The following IGSF21 variants were observed in gnomAD, a reference collection of about 807,000 sequenced individuals.
IGSF21 encodes the protein immunoglobin superfamily member 21, also known as immunoglobulin superfamily member 21.
Under a neutral mutation model 46.8 loss-of-function variants are expected in IGSF21, and 28 were observed. That is an observed-to-expected ratio of 0.60 (90% CI 0.44 to 0.82). The LOEUF (loss-of-function observed/expected upper bound fraction) is 0.82. IGSF21 is among the 40% of genes least tolerant of loss of function. The pLI is 0.00. For missense variants in IGSF21, 624 were observed against 665.5 expected, an observed-to-expected ratio of 0.94 and a Z score of 0.69; for synonymous variants, 284 against 273.6, an observed-to-expected ratio of 1.04 and a Z score of -0.38.
rs11371899 is a variant in IGSF21, at chr1:18,159,685, C to CTTTT, written c.70+51499_70+51502dup. Among the ~76,000 whole-genome samples the CTTTT allele has an allele frequency of 4.8e-3, 664 of 138,760 alleles. 20 individuals are homozygous for CTTTT. The East Asian group carries it at 0.056, about 12-fold the overall frequency. The allele number at this position is 138,760 out of a possible 152,430, so 91.0% of individuals were successfully genotyped here. On this transcript the variant is annotated intron_variant, in intron 1 of 9. Transcript: ENST00000251296. ...ATAAATCACCCAGTCTCGGGTATGT[C>CTTTT]TTTTTTTTTTTTTTTGAGAGAGAGT...
chr1:18,299,859 G>T (rs1012170933), intron 3 of IGSF21, among the ~76,000 whole-genome samples: 5 of 152,058 alleles, frequency 3.3e-5, no homozygotes, highest in African/African-American at 1.2e-4. Context: ...TCAAAATCAG[G>T]GGTGATTTTA....
rs114137703 is a variant in IGSF21 at position 18,196,859 on chromosome 1, C to T, written c.71-31039C>T. ...TGTTTTCCCAGGAAGGTGATATCTCCAGTAAGACACCCTTCTATGCAAGCC... is the reference window on the plus strand; with the variant it reads ...TGTTTTCCCAGGAAGGTGATATCTCTAGTAAGACACCCTTCTATGCAAGCC... On this transcript the variant is annotated intron_variant, in intron 1 of 9. Transcript: ENST00000251296. Among the ~76,000 whole-genome samples, 1,007 of 152,234 alleles carry T rather than the reference C, an allele frequency of 6.6e-3. 12 individuals are homozygous for T. The highest frequency in any genetic ancestry group is 0.023 in the African/African-American group (944 of 41,530).
rs1238065436 is a variant in IGSF21, at chr1:18,290,293, T to C, written c.184-1573T>C. Among the ~76,000 whole-genome samples, 9 of 152,202 alleles carry C rather than the reference T, an allele frequency of 5.9e-5. No individual in the cohort carries two copies. The East Asian group carries it at 1.7e-3, about 29-fold the overall frequency. On this transcript the variant is annotated intron_variant, in intron 2 of 9. Transcript: ENST00000251296. This position sits in a 1 kb window ranked among gnomAD's most constrained non-coding sequence, Gnocchi z 4.2. The stretch of plus-strand genomic sequence containing the variant: ...TCCTCTGTCTCCCCTCTGCACATGG[T>C]CAGAAAGCGCCAAGCCCTCAGAGGG...
chr1:18,141,469 AC>A (rs1470898692), intron 1 of IGSF21, among the ~76,000 whole-genome samples: 1 of 152,088 alleles, frequency 6.6e-6, no homozygotes, highest in Non-Finnish European at 1.5e-5. Flanking sequence ...CAGGCAGAGA[AC>A]TTGCTGGAAC....
intron 1 of IGSF21, among the ~76,000 whole-genome samples, chr1:18,163,315 C>T (rs543964820): frequency 3.3e-5 from 5 of 151,026 alleles, no homozygotes; most frequent in African/African-American, 9.7e-5. Context: ...GTGTTAATGT[C>T]GCAGGAGGAG....
chr1:18,362,313 C>T, intron 5 of IGSF21, 83 bp downstream of exon 5: 1 of 982,202 alleles, frequency 1.0e-6, no homozygotes, highest in South Asian at 1.4e-5. Context: ...GGTGTCGCCA[C>T]TGTGCCTGGA....
intron 1 of IGSF21, among the ~76,000 whole-genome samples, chr1:18,191,654 G>A (rs369919928): frequency 1.4e-4 from 21 of 152,168 alleles, no homozygotes; most frequent in African/African-American, 4.6e-4. Flanking sequence ...TGGGGAAGCC[G>A]GGCCCATCTG....
At chr1:18,257,765 G>A (rs900128225) in intron 2 of IGSF21, among the ~76,000 whole-genome samples, 3 of 152,174 alleles carry the variant, frequency 2.0e-5, no homozygotes, top group Admixed American at 6.5e-5. Flanking sequence ...TCTACAAAAA[G>A]GGGGCTGGAA....
intron 3 of IGSF21, among the ~76,000 whole-genome samples, chr1:18,330,714 G>T (rs867629375): frequency 9.9e-5 from 15 of 152,104 alleles, no homozygotes; most frequent in Admixed American, 4.6e-4. Context: ...GAAAAAGTGT[G>T]CTGGGCCCTG....
intron 3 of IGSF21, among the ~76,000 whole-genome samples, chr1:18,317,779 A>G (rs557282675): frequency 2.6e-5 from 4 of 152,346 alleles, no homozygotes; most frequent in Admixed American, 2.6e-4. Flanking sequence ...AAGCAAACAC[A>G]CATGTGCTAA....
intron 6 of IGSF21, among the ~76,000 whole-genome samples, chr1:18,371,906 G>A (rs1557665766): frequency 6.6e-6 from 1 of 152,206 alleles, no homozygotes; most frequent in Non-Finnish European, 1.5e-5. Flanking sequence ...TAGGAATTGA[G>A]ATTTGGTTTT....
At chr1:18,143,813 G>A (rs2086440383) in intron 1 of IGSF21, among the ~76,000 whole-genome samples, 1 of 152,164 alleles carries the variant, frequency 6.6e-6, no homozygotes, top group African/African-American at 2.4e-5. Flanking sequence ...TTGTCTTTCT[G>A]TTTAGGTGGG....
intron 1 of IGSF21, among the ~76,000 whole-genome samples, chr1:18,160,088 T>G (rs2086603900): frequency 6.6e-6 from 1 of 152,146 alleles, no homozygotes; most frequent in African/African-American, 2.4e-5. Flanking sequence ...CAGAAGCATT[T>G]CTGGATCCCC....
At chr1:18,288,144 C>G (rs541985102) in intron 2 of IGSF21, among the ~76,000 whole-genome samples, 1 of 152,254 alleles carries the variant, frequency 6.6e-6, no homozygotes, top group East Asian at 1.9e-4. Flanking sequence ...TTCTTCAGAG[C>G]ACAAAATTAG....
At chr1:18,254,834 C>T (rs1044258364) in intron 2 of IGSF21, among the ~76,000 whole-genome samples, 8 of 149,158 alleles carry the variant, frequency 5.4e-5, no homozygotes, top group Non-Finnish European at 1.2e-4. Context: ...AGTTGTTTGC[C>T]CATTCTTCTA....
chr1:18,323,103 C>A (rs1382344800), intron 3 of IGSF21, among the ~76,000 whole-genome samples: 4 of 152,212 alleles, frequency 2.6e-5, no homozygotes, highest in African/African-American at 9.7e-5. Context: ...AAGCTAAGCT[C>A]TCTCTGGTTT....
intron 3 of IGSF21, among the ~76,000 whole-genome samples, chr1:18,332,498 CTT>C (rs71018070): frequency 0.31 from 46,271 of 147,362 alleles, 8,650 homozygotes; most frequent in Non-Finnish European, 0.42. Context: ...CTCTGAGTCT[CTT>C]TTTTTTTTTT....
At chr1:18,346,761 G>A (rs2085897404) in intron 4 of IGSF21, among the ~76,000 whole-genome samples, 1 of 152,196 alleles carries the variant, frequency 6.6e-6, no homozygotes, top group Non-Finnish European at 1.5e-5. Context: ...GAGAAGGGCA[G>A]CAGAATGAGA....
At chr1:18,329,428 G>C (rs929915895) in intron 3 of IGSF21, among the ~76,000 whole-genome samples, 1 of 152,200 alleles carries the variant, frequency 6.6e-6, no homozygotes, top group African/African-American at 2.4e-5. Context: ...CAAGACTAGA[G>C]CCCAGGGCTC....
Sources: gnomAD v4.1 joint callset for allele counts (sites outside exome capture counted in the v4.1 genomes callset) on GRCh38, gnomAD v4.1.1 for gene constraint, Gnocchi (gnomAD v3.1) non-coding constraint, MANE v1.5 for transcripts, NCBI Gene and HGNC (gene_info 2026-07-23, HGNC 2026-07-21) for gene names.